Variants in EHMT2 observed in about 807,000 individuals in gnomAD.
The protein encoded by EHMT2 is euchromatic histone lysine methyltransferase 2.
EHMT2 carries 59 observed loss-of-function variants against 143.3 expected under a neutral mutation model. The ratio of observed to expected loss-of-function variants is 0.41; its 90% CI spans 0.33 to 0.51. The LOEUF (loss-of-function observed/expected upper bound fraction) is 0.51. Among genes scored for constraint, EHMT2 ranks in the 20% least tolerant of loss-of-function variants. The pLI is 0.18. For missense variants in EHMT2, 1,174 were observed against 1,645.9 expected, an observed-to-expected ratio of 0.71 and a Z score of 4.96; for synonymous variants, 604 against 651.5, an observed-to-expected ratio of 0.93 and a Z score of 1.11.
At position 31,884,142 on chromosome 6, in the gene EHMT2, A is replaced by T; in HGVS notation, c.2772-192T>A. ...AAATAGCTTTTTAGTATGTCCCAAA[A>T]ATTACACAGGACATTCTCACACTAA... On this transcript the variant is annotated intron_variant, in intron 21 of 27. Transcript: ENST00000375537. The surrounding 1 kb of genome is among the most constrained non-coding windows in gnomAD (Gnocchi z 7.3). 2.8e-6 allele frequency: 2 copies of T among 722,738 alleles called. No individual in the cohort carries two copies. Among genetic ancestry groups the T allele is most frequent in the Non-Finnish European group, 4.4e-6 (2 of 452,862 alleles). 44.8% of individuals were successfully genotyped at this position (722,738 alleles called of 1,614,324 possible).
At chr6:31,897,593 C>T in intron 1 of EHMT2, 43 bp downstream of exon 1, 1 of 1,129,228 alleles carries the variant, frequency 8.9e-7, no homozygotes, top group Non-Finnish European at 1.1e-6. Flanking sequence ...CCCCCGGGCG[C>T]GCGCGCGGGC....
Position 31,884,617 on chromosome 6 carries a change from G to T in EHMT2, c.2603+28C>A. The stretch of plus-strand genomic sequence containing the variant: ...CTGAGGCTGCAAGAAGTGGGGGCAG[G>T]GGCATCAAGGGCGGGGCAGGGGCTC... On this transcript the variant is annotated intron_variant, in intron 20 of 27. Coordinates refer to ENST00000375537, the Ensembl canonical transcript of EHMT2. The surrounding 1 kb of genome is among the most constrained non-coding windows in gnomAD (Gnocchi z 7.3). 1.9e-6 allele frequency: 3 copies of T among 1,601,416 alleles called. No homozygotes were observed. Among genetic ancestry groups the T allele is most frequent in the Non-Finnish European group, 2.6e-6 (3 of 1,172,254 alleles).
Position 31,892,911 on chromosome 6 carries a change from C to A in EHMT2, c.583-1G>T. 1 of 1,565,442 alleles carries A rather than the reference C, an allele frequency of 6.4e-7. No homozygotes were observed. The highest frequency in any genetic ancestry group is 8.7e-7 in the Non-Finnish European group (1 of 1,155,156). Reference sequence around the variant, plus strand: ...GGGGCCGCTTCTCAGGGACCGGGGGCTGTGGGCCGAGAGGGAGCACACTGA... The same window carrying A: ...GGGGCCGCTTCTCAGGGACCGGGGGATGTGGGCCGAGAGGGAGCACACTGA... On this transcript the variant is annotated splice_acceptor_variant, in intron 4 of 27. Coordinates refer to ENST00000375537, the Ensembl canonical transcript of EHMT2. LOFTEE classifies it high-confidence loss of function.
In EHMT2 at chr6:31,880,298, G is replaced by T; in HGVS notation, c.3453-34C>A. 6.3e-7 allele frequency: 1 copy of T among 1,596,214 alleles called. No homozygotes were observed. Reference sequence around the variant, plus strand: ...GGAAAACAGGAGCTTGTGGGACCTGGACCCAGCCACCAAGAGCCCACCCCG... The same window carrying T: ...GGAAAACAGGAGCTTGTGGGACCTGTACCCAGCCACCAAGAGCCCACCCCG... On this transcript the variant is annotated intron_variant, in intron 27 of 27. Transcript: ENST00000375537. This position sits in a 1 kb window ranked among gnomAD's most constrained non-coding sequence, Gnocchi z 6.6.
In EHMT2 at chr6:31,884,812, G is replaced by A; in HGVS notation, c.2449-13C>T. On this transcript the variant is annotated splice_polypyrimidine_tract_variant and intron_variant, in intron 19 of 27. Transcript: ENST00000375537. The surrounding 1 kb of genome is among the most constrained non-coding windows in gnomAD (Gnocchi z 7.3). Reference sequence around the variant, plus strand: ...AGATGTTCTCCTCCTGTGGAGGTAGGAGGGGAACAGATGAGGTGCAGGCAG... The same window carrying A: ...AGATGTTCTCCTCCTGTGGAGGTAGAAGGGGAACAGATGAGGTGCAGGCAG... The A allele has an allele frequency of 6.3e-7, 1 of 1,592,070 alleles. No homozygotes were observed. Among genetic ancestry groups the A allele is most frequent in the Non-Finnish European group, 8.6e-7 (1 of 1,167,666 alleles).
intron 4 of EHMT2, chr6:31,896,009 C>T: frequency 2.3e-6 from 1 of 432,322 alleles, no homozygotes; most frequent in Non-Finnish European, 4.0e-6. Flanking sequence ...TTGTCATTAT[C>T]ATAAGAGTAA....
In EHMT2 at chr6:31,883,797, C is replaced by A. The variant is rs764132216; in HGVS notation, c.2916+9G>T. ...GTCCTTTTGGGGAGGCCCCGGGCCC[C>A]CTACTCACCTGCAGGTGGGTGATGT... On this transcript the variant is annotated intron_variant, in intron 22 of 27. Transcript: ENST00000375537. This position sits in a 1 kb window ranked among gnomAD's most constrained non-coding sequence, Gnocchi z 5.6. 10 of 1,613,054 alleles carry A rather than the reference C, an allele frequency of 6.2e-6. No individual in the cohort carries two copies. The highest frequency in any genetic ancestry group is 2.2e-5 in the East Asian group (1 of 44,866).
exon 14 of EHMT2, chr6:31,887,871 C>T (rs1428781427): frequency 3.7e-6 from 6 of 1,611,884 alleles, no homozygotes; most frequent in Non-Finnish European, 5.1e-6. Flanking sequence ...CCCCATTGGG[C>T]AGGGTCAGGG....
intron 1 of EHMT2, 85 bp from the exon 2 acceptor site, chr6:31,897,074 G>C: frequency 6.7e-7 from 1 of 1,494,708 alleles, no homozygotes; most frequent in Non-Finnish European, 8.9e-7. Flanking sequence ...TGGGAAGAGA[G>C]AGTAGGCTCC....
exon 14 of EHMT2, chr6:31,887,922 G>A: frequency 6.2e-7 from 1 of 1,603,806 alleles, no homozygotes; most frequent in Non-Finnish European, 8.5e-7. Flanking sequence ...GGGGATCGCA[G>A]GGCGGGCGCC....
At chr6:31,892,712 C>T (rs766314867) in exon 6 of EHMT2, 2 of 1,613,156 alleles carry the variant, frequency 1.2e-6, no homozygotes, top group Admixed American at 1.7e-5. Flanking sequence ...CTCCTGAGTT[C>T]AGCTTCCTCC....
chr6:31,885,047 C>T (rs1228344682), intron 18 of EHMT2, 31 bp from the exon 19 acceptor site: 2 of 1,581,772 alleles, frequency 1.3e-6, no homozygotes, highest in Non-Finnish European at 1.7e-6. Context: ...AGGGTGGGGG[C>T]AGCTGGCCCT....
exon 2 of EHMT2, chr6:31,896,979 G>T: frequency 6.3e-7 from 1 of 1,577,990 alleles, no homozygotes; most frequent in Non-Finnish European, 8.6e-7. Flanking sequence ...CATCTCAGCG[G>T]GGGCCTCCCC....
At chr6:31,897,117 C>T (rs774274299) in intron 1 of EHMT2, 128 bp from the exon 2 acceptor site, 7 of 1,415,464 alleles carry the variant, frequency 4.9e-6, no homozygotes, top group African/African-American at 3.0e-5. Context: ...GGGCCCCCCC[C>T]TTCCGCGGCC....
Position 31,884,123 on chromosome 6 carries a change from C to G in EHMT2, c.2772-173G>C. ...AGAATTTTAGATAAACAAGAAATAG[C>G]TTTTTAGTATGTCCCAAAAATTACA... On this transcript the variant is annotated intron_variant, in intron 21 of 27. Transcript: ENST00000375537. The surrounding 1 kb of genome is among the most constrained non-coding windows in gnomAD (Gnocchi z 7.3). 3.8e-6 allele frequency: 3 copies of G among 793,826 alleles called. No homozygotes were observed. The highest frequency in any genetic ancestry group is 5.8e-6 in the Non-Finnish European group (3 of 517,814). The allele number at this position is 793,826 out of a possible 1,614,324, so 49.2% of individuals were successfully genotyped here.
chr6:31,884,825 G>C lies in EHMT2; in HGVS notation c.2449-26C>G. The C allele has an allele frequency of 2.5e-6, 4 of 1,586,686 alleles. No individual in the cohort carries two copies. Among genetic ancestry groups the C allele is most frequent in the Non-Finnish European group, 3.4e-6 (4 of 1,163,130 alleles). On this transcript the variant is annotated intron_variant, in intron 19 of 27. Coordinates refer to ENST00000375537, the Ensembl canonical transcript of EHMT2. This position sits in a 1 kb window ranked among gnomAD's most constrained non-coding sequence, Gnocchi z 7.3. Reference sequence around the variant, plus strand: ...CTGTGGAGGTAGGAGGGGAACAGATGAGGTGCAGGCAGCTGGGCCCTTGAA... The same window carrying C: ...CTGTGGAGGTAGGAGGGGAACAGATCAGGTGCAGGCAGCTGGGCCCTTGAA...
At chr6:31,886,665 G>A in exon 18 of EHMT2, 2 of 1,613,974 alleles carry the variant, frequency 1.2e-6, no homozygotes, top group Non-Finnish European at 1.7e-6. Flanking sequence ...GGTGGAGGCA[G>A]GTGGAACCGT....
chr6:31,892,706 T>C (rs139994475), exon 6 of EHMT2: 10 of 1,613,024 alleles, frequency 6.2e-6, no homozygotes, highest in Non-Finnish European at 8.5e-6. Flanking sequence ...GGCCACCTCC[T>C]GAGTTCAGCT....
At chr6:31,897,646 GCCGCCGCTGCAGCTC>G in exon 1 of EHMT2, 1 of 1,160,844 alleles carries the variant, frequency 8.6e-7, no homozygotes, top group African/African-American at 1.6e-5. Context: ...CTCGGCGGCC[GCCGCCGCTGCAGCTC>G]CCGCCGCCGC....
Sources: allele counts gnomAD v4.1 joint callset, GRCh38; gene constraint gnomAD v4.1.1; non-coding constraint Gnocchi (gnomAD v3.1); transcripts MANE v1.5; gene names NCBI Gene and HGNC (gene_info 2026-07-23, HGNC 2026-07-21).